TRMT44: variants seen among roughly 807,000 people sequenced by gnomAD.
The protein encoded by TRMT44 is probable tRNA (uracil-O(2)-)-methyltransferase.
A neutral mutation model predicts 77.3 loss-of-function variants in TRMT44; 78 were observed. The ratio of observed to expected loss-of-function variants is 1.01; its 90% CI spans 0.84 to 1.22. The LOEUF (loss-of-function observed/expected upper bound fraction) is 1.22. Ranked by LOEUF, TRMT44 falls within the 50% of genes most tolerant of loss-of-function variation. The pLI is 0.00. For synonymous variants in TRMT44, 391 were observed against 383.3 expected (o/e 1.02, Z -0.23); for missense variants, 1,090 against 964.4 (o/e 1.13, Z -1.73).
the TRMT44 span, among the ~76,000 whole-genome samples, chr4:8,508,630 GC>G: frequency 2.0e-5 from 3 of 152,358 alleles, no homozygotes; most frequent in Admixed American, 2.0e-4. Flanking sequence ...ACCGACTGTG[GC>G]CATGGGGTTG....
chr4:8,441,295 C>G lies in TRMT44; in HGVS notation c.473C>G (p.Ser158Trp). The change falls in exon 1 of 11, where the codon TCG becomes TGG. Residue 158 changes from serine (S) to tryptophan (W), a missense_variant. Ser to Trp is a radical substitution (Grantham distance 177). Transcript: ENST00000389737. ...TCCCAAAGTCTCGCCCGTGGCAATTCGGAGTTGCTGGCCTTCCTCACCAGC... is the reference window on the plus strand; with the variant it reads ...TCCCAAAGTCTCGCCCGTGGCAATTGGGAGTTGCTGGCCTTCCTCACCAGC... ...DFSQSLARGN[S>W]ELLAFLTSSG... 6.5e-7 allele frequency: 1 copy of G among 1,535,462 alleles called. No individual in the cohort carries two copies. The highest frequency in any genetic ancestry group is 1.7e-4 in the Middle Eastern group (1 of 5,988).
At position 8,461,555 on chromosome 4, in the gene TRMT44, C is replaced by A. The variant is rs1726158297; in HGVS notation, c.1204-2430C>A. Among the ~76,000 whole-genome samples, 1 of 152,146 alleles carries A rather than the reference C, an allele frequency of 6.6e-6. No individual in the cohort carries two copies. Among genetic ancestry groups the A allele is most frequent in the Admixed American group, 6.5e-5 (1 of 15,282 alleles). On this transcript the variant is annotated intron_variant, in intron 6 of 10. Transcript: ENST00000389737. The surrounding 1 kb of genome is among the most constrained non-coding windows in gnomAD (Gnocchi z 4.6). ...TGGAGAACGGGCGGAGGCTCTAGTT[C>A]TTTAGCTGAGGTTTCCCAGCAGCCT...
Position 8,449,861 on chromosome 4 carries a change from TAAAGAGAAGTA to T in TRMT44, c.928_938del (p.Lys310Ter), listed in dbSNP as rs912516060. On this transcript the variant is annotated frameshift_variant, in exon 3 of 11. Transcript: ENST00000389737. LOFTEE classifies it high-confidence loss of function. Reference sequence around the variant, plus strand: ...AGTATAGCAAGGCTTACCAGGAACTTAAAGAGAAGTATAAGGAAATGGTTAAGGTAATTCTG... The same window carrying T: ...AGTATAGCAAGGCTTACCAGGAACTTTAAGGAAATGGTTAAGGTAATTCTG... The T allele has an allele frequency of 6.5e-7, 1 of 1,533,808 alleles. No individual in the cohort carries two copies. Among genetic ancestry groups the T allele is most frequent in the African/African-American group, 1.4e-5 (1 of 72,902 alleles).
intron 9 of TRMT44, among the ~76,000 whole-genome samples, chr4:8,469,524 C>G (rs1726840204): frequency 6.6e-6 from 1 of 152,200 alleles, no homozygotes; most frequent in Non-Finnish European, 1.5e-5. Flanking sequence ...TTTAAATTCC[C>G]AGGAGATGAC....
chr4:8,454,817 CCGT>C lies in TRMT44; in HGVS notation c.1203+6_1203+8del. ...TGGACCACAAACTCAGTTAGAGGTA[CCGT>C]CTTTATTACGCATGCCCTTGATCTC... On this transcript the variant is annotated splice_donor_5th_base_variant and intron_variant, in intron 6 of 10. Transcript: ENST00000389737. 1 of 1,614,064 alleles carries C rather than the reference CCGT, an allele frequency of 6.2e-7. No homozygotes were observed. The highest frequency in any genetic ancestry group is 1.1e-5 in the South Asian group (1 of 91,078).
At chr4:8,459,679 G>C (rs552299922) in intron 6 of TRMT44, among the ~76,000 whole-genome samples, 7 of 152,278 alleles carry the variant, frequency 4.6e-5, no homozygotes, top group African/African-American at 1.7e-4. Flanking sequence ...ATTTCAGCAA[G>C]AATTCTGAGC....
chr4:8,485,459 A>G (rs1727773903), intron 2 of TRMT44, among the ~76,000 whole-genome samples: 1 of 152,236 alleles, frequency 6.6e-6, no homozygotes, highest in Non-Finnish European at 1.5e-5. Flanking sequence ...TTAGAAGCCC[A>G]TGCTGTAGCA....
intron 10 of TRMT44, among the ~76,000 whole-genome samples, chr4:8,472,212 T>C (rs1446585809): frequency 6.6e-6 from 1 of 152,178 alleles, no homozygotes; most frequent in African/African-American, 2.4e-5. Context: ...AGGAGGGCTT[T>C]ACTTAGGAAA....
the TRMT44 span, among the ~76,000 whole-genome samples, chr4:8,499,597 GTGTGTCCTGAGGGTCGATTTA>G: frequency 4.7e-4 from 20 of 42,298 alleles, no homozygotes; most frequent in Non-Finnish European, 9.9e-4. Context: ...GGTCGATTTA[GTGTGTCCTGAGGGTCGATTTA>G]GTGTCATGCC....
At chr4:8,468,760 C>G (rs1442920924) in intron 9 of TRMT44, among the ~76,000 whole-genome samples, 1 of 152,252 alleles carries the variant, frequency 6.6e-6, no homozygotes, top group African/African-American at 2.4e-5. Flanking sequence ...ATCCCCAAAA[C>G]ACAACAATCA....
intron 10 of TRMT44, among the ~76,000 whole-genome samples, chr4:8,473,071 G>A (rs551718830): frequency 5.3e-5 from 8 of 152,346 alleles, no homozygotes; most frequent in African/African-American, 1.2e-4. Context: ...CCAGTCATGC[G>A]AAAACTATGC....
downstream of TRMT44, among the ~76,000 whole-genome samples, chr4:8,497,888 A>G (rs994435484): frequency 6.6e-6 from 1 of 152,118 alleles, no homozygotes; most frequent in African/African-American, 2.4e-5. Context: ...CCTGCACAGC[A>G]TGGTGTATGG....
intron 6 of TRMT44, among the ~76,000 whole-genome samples, chr4:8,462,706 AAAC>A (rs1005762042): frequency 1.1e-4 from 16 of 152,336 alleles, no homozygotes; most frequent in Middle Eastern, 3.4e-3. Context: ...TCCGTCTCAA[AAAC>A]AACAACAACA....
the TRMT44 span, among the ~76,000 whole-genome samples, chr4:8,505,025 C>G: frequency 9.2e-5 from 14 of 152,176 alleles, no homozygotes; most frequent in African/African-American, 2.9e-4. Context: ...GGAATGCCCC[C>G]TCCATGTCCC....
chr4:8,512,773 A>T, the TRMT44 span, among the ~76,000 whole-genome samples: 1 of 152,152 alleles, frequency 6.6e-6, no homozygotes, highest in Admixed American at 6.5e-5. Flanking sequence ...TTCTTTATGA[A>T]TGTGGTTTGT....
the TRMT44 span, among the ~76,000 whole-genome samples, chr4:8,515,736 G>T: frequency 6.6e-6 from 1 of 152,178 alleles, no homozygotes; most frequent in Admixed American, 6.5e-5. Context: ...TGTTCCCCAG[G>T]CACTGACACA....
At chr4:8,501,271 A>C in the TRMT44 span, among the ~76,000 whole-genome samples, 4 of 152,180 alleles carry the variant, frequency 2.6e-5, no homozygotes, top group South Asian at 2.1e-4. The surrounding 1 kb of genome is among the most constrained non-coding windows in gnomAD (Gnocchi z 4.4). Context: ...CCCCTGGTCC[A>C]TCGGGGGATG....
the TRMT44 span, among the ~76,000 whole-genome samples, chr4:8,501,480 G>A: frequency 2.8e-4 from 42 of 152,152 alleles, no homozygotes; most frequent in Admixed American, 2.3e-3. The surrounding 1 kb of genome is among the most constrained non-coding windows in gnomAD (Gnocchi z 4.4). Flanking sequence ...TGGGAAAAAT[G>A]GGGATGAGGA....
downstream of TRMT44, among the ~76,000 whole-genome samples, chr4:8,480,310 C>T (rs1165080519): frequency 6.6e-6 from 1 of 152,198 alleles, no homozygotes; most frequent in Non-Finnish European, 1.5e-5. Context: ...AGGTGGAGTG[C>T]AGCATTTGAC....
Sources: gnomAD v4.1 joint callset for allele counts (sites outside exome capture counted in the v4.1 genomes callset) on GRCh38, gnomAD v4.1.1 for gene constraint, Gnocchi (gnomAD v3.1) non-coding constraint, MANE v1.5 for transcripts, NCBI Gene and HGNC (gene_info 2026-07-23, HGNC 2026-07-21) for gene names.